Variants in CDH12 observed in about 807,000 individuals in gnomAD.
CDH12 encodes the protein cadherin 12.
Under a neutral mutation model 74.1 loss-of-function variants are expected in CDH12, and 41 were observed. The ratio of observed to expected loss-of-function variants is 0.55; its 90% CI spans 0.43 to 0.72. The LOEUF (loss-of-function observed/expected upper bound fraction) is 0.72. Among genes scored for constraint, CDH12 ranks in the 30% least tolerant of loss-of-function variants. The pLI, the probability that CDH12 is intolerant of heterozygous loss-of-function variation, is 0.00. For missense variants in CDH12, 945 were observed against 977.2 expected (o/e 0.97, Z 0.44); for synonymous variants, 399 against 355.0 (o/e 1.12, Z -1.39).
intron 5 of CDH12, among the ~76,000 whole-genome samples, chr5:22,030,554 G>T (rs1014610305): frequency 1.3e-5 from 2 of 152,114 alleles, no homozygotes; most frequent in African/African-American, 4.8e-5. Context: ...AGGGTTTGTT[G>T]TTTCATTTAT....
intron 4 of CDH12, among the ~76,000 whole-genome samples, chr5:22,133,754 T>C (rs1166136524): frequency 1.3e-5 from 2 of 152,096 alleles, no homozygotes; most frequent in Non-Finnish European, 2.9e-5. Flanking sequence ...TACGTGTACA[T>C]ATACATAATT....
At chr5:22,629,831 G>A (rs1248093785) in intron 1 of CDH12, among the ~76,000 whole-genome samples, 1 of 152,016 alleles carries the variant, frequency 6.6e-6, no homozygotes, top group Non-Finnish European at 1.5e-5. Context: ...TGTGTCTGCA[G>A]ACAACATAAT....
At chr5:22,726,501 G>A (rs1744170926) in intron 1 of CDH12, among the ~76,000 whole-genome samples, 1 of 151,742 alleles carries the variant, frequency 6.6e-6, no homozygotes, top group Non-Finnish European at 1.5e-5. Context: ...GGATAGTATA[G>A]TAAACATATG....
intron 5 of CDH12, among the ~76,000 whole-genome samples, chr5:22,009,958 A>AG (rs1714358593): frequency 6.6e-6 from 1 of 150,414 alleles, no homozygotes; most frequent in Non-Finnish European, 1.5e-5. Context: ...AAAAAAAAAA[A>AG]AGAAAAAAAG....
In CDH12 at chr5:22,215,195, C is replaced by T. The variant is rs555429676; in HGVS notation, c.-332-2552G>A. On this transcript the variant is annotated intron_variant, in intron 3 of 14. Transcript: ENST00000382254. ...AAGTTAAGCAAATTTACCAATGTTGCGTAGTCAGTACAGAAGAAACCCACC... is the reference window on the plus strand; with the variant it reads ...AAGTTAAGCAAATTTACCAATGTTGTGTAGTCAGTACAGAAGAAACCCACC... Among the ~76,000 whole-genome samples the T allele has an allele frequency of 3.8e-3, 230 of 61,252 alleles. 1 individual carries two copies. Among genetic ancestry groups the T allele is most frequent in the Middle Eastern group, 0.012 (1 of 82 alleles). 40.2% of individuals were successfully genotyped at this position (61,252 alleles called of 152,430 possible).
chr5:22,825,540 A>C (rs1736274837), intron 1 of CDH12, among the ~76,000 whole-genome samples: 1 of 152,222 alleles, frequency 6.6e-6, no homozygotes, highest in African/African-American at 2.4e-5. Flanking sequence ...GTCTGGTTTG[A>C]TTAAGAAACA....
chr5:22,385,191 T>C (rs529339266), intron 3 of CDH12, among the ~76,000 whole-genome samples: 1 of 152,326 alleles, frequency 6.6e-6, no homozygotes, highest in Non-Finnish European at 1.5e-5. Flanking sequence ...CATTTCCCAG[T>C]AAGAAAAATA....
At chr5:22,344,629 C>T (rs2150458551) in intron 3 of CDH12, among the ~76,000 whole-genome samples, 1 of 152,264 alleles carries the variant, frequency 6.6e-6, no homozygotes, top group East Asian at 1.9e-4. Flanking sequence ...ACTATGATTA[C>T]TGCTTACTAG....
At chr5:21,978,521 G>A (rs185359981) in intron 5 of CDH12, among the ~76,000 whole-genome samples, 222 of 151,998 alleles carry the variant, frequency 1.5e-3, no homozygotes, top group Middle Eastern at 3.4e-3. Context: ...CATATTTACT[G>A]CACATTTATA....
chr5:22,509,761 A>C (rs1736525803), intron 1 of CDH12, among the ~76,000 whole-genome samples: 1 of 152,206 alleles, frequency 6.6e-6, no homozygotes, highest in Non-Finnish European at 1.5e-5. Flanking sequence ...AAGCTGCACA[A>C]ATACCAGCTG....
At chr5:22,301,222 GA>G in intron 3 of CDH12, among the ~76,000 whole-genome samples, 1 of 152,248 alleles carries the variant, frequency 6.6e-6, no homozygotes, top group Non-Finnish European at 1.5e-5. Context: ...TGGCTATTAT[GA>G]TATGTAAAAT....
At chr5:22,306,722 G>T (rs915166452) in intron 3 of CDH12, among the ~76,000 whole-genome samples, 1 of 152,074 alleles carries the variant, frequency 6.6e-6, no homozygotes, top group African/African-American at 2.4e-5. Flanking sequence ...AGCAAGATAA[G>T]TAACCTGTTT....
rs1343176738 is a variant in CDH12 at position 22,634,046 on chromosome 5, A to C, written c.-522-128682T>G. Among the ~76,000 whole-genome samples the C allele has an allele frequency of 1.3e-5, 2 of 152,160 alleles. 1 individual carries two copies. Among genetic ancestry groups the C allele is most frequent in the Non-Finnish European group, 2.9e-5 (2 of 68,016 alleles). On this transcript the variant is annotated intron_variant, in intron 1 of 14. Coordinates refer to ENST00000382254, the MANE Select transcript of CDH12 (RefSeq NM_004061.5). ...AAGTTTACAAGATTTGAACAAGATT[A>C]TTCTAAATTAAGATGGTAGTGATAA...
At chr5:21,846,684 T>C (rs914380995) in intron 7 of CDH12, among the ~76,000 whole-genome samples, 1 of 152,186 alleles carries the variant, frequency 6.6e-6, no homozygotes, top group African/African-American at 2.4e-5. Context: ...ATTTCATTGA[T>C]TTCTTTTACC....
chr5:22,260,824 A>G (rs1753478723), intron 3 of CDH12, among the ~76,000 whole-genome samples: 1 of 151,980 alleles, frequency 6.6e-6, no homozygotes, highest in Non-Finnish European at 1.5e-5. Context: ...GTAAAAATCA[A>G]ATTGTCTTTT....
intron 3 of CDH12, among the ~76,000 whole-genome samples, chr5:22,371,697 A>G (rs1462381243): frequency 1.3e-5 from 2 of 152,212 alleles, no homozygotes; most frequent in Admixed American, 1.3e-4. Flanking sequence ...ACTAGCTTTT[A>G]AAATCAATTA....
At chr5:22,035,080 G>A (rs148974541) in intron 5 of CDH12, among the ~76,000 whole-genome samples, 69 of 152,252 alleles carry the variant, frequency 4.5e-4, no homozygotes, top group African/African-American at 1.6e-3. Flanking sequence ...TTCTAAGAAC[G>A]TGTCAATGAT....
At chr5:22,742,409 A>T (rs1745074827) in intron 1 of CDH12, among the ~76,000 whole-genome samples, 1 of 152,106 alleles carries the variant, frequency 6.6e-6, no homozygotes, top group Non-Finnish European at 1.5e-5. Flanking sequence ...GCGAAATAAG[A>T]CCACATGGCT....
chr5:22,455,483 G>C (rs1348106195), intron 2 of CDH12, among the ~76,000 whole-genome samples: 1 of 152,082 alleles, frequency 6.6e-6, no homozygotes, highest in Non-Finnish European at 1.5e-5. Context: ...CAGAAGTTCT[G>C]AGGGATGAAG....
Sources: allele counts gnomAD v4.1 joint callset (sites outside exome capture counted in the v4.1 genomes callset), GRCh38; gene constraint gnomAD v4.1.1; transcripts MANE v1.5; gene names NCBI Gene and HGNC (gene_info 2026-07-23, HGNC 2026-07-21).